PCSK6: variants seen among roughly 807,000 people sequenced by gnomAD.
PCSK6 encodes proprotein convertase subtilisin/kexin type 6.
A neutral mutation model predicts 123.3 loss-of-function variants in PCSK6; 85 were observed. The ratio of observed to expected loss-of-function variants is 0.69; its 90% CI spans 0.58 to 0.83. The LOEUF (loss-of-function observed/expected upper bound fraction) is 0.83, where lower values mean the gene tolerates loss of function less well. Among genes scored for constraint, PCSK6 ranks in the 40% least tolerant of loss-of-function variants. The probability of loss-of-function intolerance (pLI) is 0.00; values close to 1 mark genes in which losing one functional copy is unlikely to be tolerated. For missense variants in PCSK6, 1,191 were observed against 1,282.3 expected (o/e 0.93, Z 1.09); for synonymous variants, 508 against 516.0 (o/e 0.98, Z 0.21).
chr15:101,322,254 G>C (rs1039543841), intron 18 of PCSK6, among the ~76,000 whole-genome samples: 1 of 152,194 alleles, frequency 6.6e-6, no homozygotes, highest in Non-Finnish European at 1.5e-5. Flanking sequence ...GGCGGATCTG[G>C]GCACAGCCCT....
chr15:101,388,232 C>T (rs3825903), intron 9 of PCSK6, among the ~76,000 whole-genome samples: 97,278 of 152,126 alleles, frequency 0.64, 31,841 homozygotes, highest in Admixed American at 0.73. Context: ...GCCTGGAAAT[C>T]AAAAATATCA....
rs2058126710 is a variant in PCSK6, at chr15:101,489,619, CGGCCCGGGGCGGCGGCCGG to C, written c.33_51del (p.Arg12ProfsTer103). On this transcript the variant is annotated frameshift_variant, in exon 1 of 22. Coordinates refer to ENST00000611716, the MANE Select transcript of PCSK6 (RefSeq NM_002570.5). LOFTEE classifies it high-confidence loss of function. The stretch of plus-strand genomic sequence containing the variant: ...CCCGCGGCGGTGTCGGTGGCGGCGG[CGGCCCGGGGCGGCGGCCGG>C]GGCCCGGGCGCAGGCGGCGCGCGCG... 2.1e-6 allele frequency: 2 copies of C among 974,844 alleles called. No individual in the cohort carries two copies. Among genetic ancestry groups the C allele is most frequent in the African/African-American group, 3.6e-5 (2 of 55,760 alleles). 60.4% of individuals were successfully genotyped at this position (974,844 alleles called of 1,614,324 possible). A position where few individuals can be genotyped will look rare whatever the true frequency, so the allele number is the denominator to read the frequency against.
At chr15:101,433,392 GT>G (rs1302677216) in intron 2 of PCSK6, among the ~76,000 whole-genome samples, 1 of 152,246 alleles carries the variant, frequency 6.6e-6, no homozygotes, top group African/African-American at 2.4e-5. Context: ...GAGTGGGAAT[GT>G]TTTCTTTGGT....
chr15:101,361,636 G>A (rs2041225329), intron 13 of PCSK6, among the ~76,000 whole-genome samples: 1 of 152,206 alleles, frequency 6.6e-6, no homozygotes, highest in Non-Finnish European at 1.5e-5. Flanking sequence ...CGGTGGAGAG[G>A]TGCTAGCAGG....
At chr15:101,429,837 G>T in intron 5 of PCSK6, 150 bp downstream of exon 5, 2 of 665,946 alleles carry the variant, frequency 3.0e-6, no homozygotes, top group South Asian at 1.8e-5. Context: ...TGCCTGGCAT[G>T]GCCTGTGACT....
At chr15:101,428,319 T>C (rs2056329195) in intron 5 of PCSK6, among the ~76,000 whole-genome samples, 1 of 152,216 alleles carries the variant, frequency 6.6e-6, no homozygotes, top group Admixed American at 6.5e-5. Flanking sequence ...AATTGGCACA[T>C]GGCCACTGCT....
intron 20 of PCSK6, among the ~76,000 whole-genome samples, chr15:101,309,724 CAT>C (rs2039809235): frequency 1.3e-5 from 2 of 152,358 alleles, no homozygotes; most frequent in South Asian, 4.1e-4. Context: ...AGGGCCAGGG[CAT>C]GAGGAGTTTG....
At chr15:101,412,059 T>A (rs1402396545) in intron 6 of PCSK6, among the ~76,000 whole-genome samples, 1 of 152,144 alleles carries the variant, frequency 6.6e-6, no homozygotes, top group Non-Finnish European at 1.5e-5. Flanking sequence ...TGGGAACCAC[T>A]GCCCCTTCTC....
intron 1 of PCSK6, among the ~76,000 whole-genome samples, chr15:101,459,474 C>A (rs565114913): frequency 8.2e-5 from 12 of 145,904 alleles, no homozygotes; most frequent in Admixed American, 3.4e-4. Context: ...CCCGTCCCCC[C>A]ACCCTAAGTC....
chr15:101,394,129 G>A (rs11247289), intron 7 of PCSK6, among the ~76,000 whole-genome samples: 1 of 133,014 alleles, frequency 7.5e-6, no homozygotes, highest in African/African-American at 2.7e-5. Flanking sequence ...TTTTCTTTCC[G>A]TTTTTTTGTT....
At chr15:101,480,285 G>A (rs1014002051) in intron 1 of PCSK6, among the ~76,000 whole-genome samples, 5 of 152,264 alleles carry the variant, frequency 3.3e-5, no homozygotes, top group African/African-American at 1.2e-4. Flanking sequence ...AACAGTGACA[G>A]CCTCTTCCCA....
intron 6 of PCSK6, among the ~76,000 whole-genome samples, chr15:101,420,377 T>A (rs914522288): frequency 1.3e-5 from 2 of 152,144 alleles, no homozygotes; most frequent in African/African-American, 4.8e-5. Context: ...ACTTTGTTTT[T>A]TTGAGACAGG....
intron 13 of PCSK6, among the ~76,000 whole-genome samples, chr15:101,333,668 C>T (rs954753197): frequency 1.3e-5 from 2 of 152,214 alleles, no homozygotes; most frequent in African/African-American, 4.8e-5. Flanking sequence ...GCAGGCCCCT[C>T]TGCCAGTACA....
At chr15:101,472,861 T>C (rs867172489) in intron 1 of PCSK6, among the ~76,000 whole-genome samples, 1 of 152,214 alleles carries the variant, frequency 6.6e-6, no homozygotes, top group African/African-American at 2.4e-5. Context: ...GGGCTCTTTA[T>C]GAGTAACAAT....
At chr15:101,443,324 A>G (rs1408830693) in intron 2 of PCSK6, among the ~76,000 whole-genome samples, 1 of 152,170 alleles carries the variant, frequency 6.6e-6, no homozygotes, top group African/African-American at 2.4e-5. Flanking sequence ...AGATTCATAT[A>G]TGTATCTCCT....
chr15:101,449,113 C>A (rs192279322), intron 1 of PCSK6, among the ~76,000 whole-genome samples: 343 of 152,200 alleles, frequency 2.3e-3, no homozygotes, highest in Non-Finnish European at 3.6e-3. Flanking sequence ...TTCCAGGCCA[C>A]CCTGCAGATG....
At position 101,304,222 on chromosome 15, in the gene PCSK6, T is replaced by C. The variant is rs1455374039; in HGVS notation, c.*1036A>G. The stretch of plus-strand genomic sequence containing the variant: ...TCAAAATAATTAACATCGGTAAAAA[T>C]TAGAACATGTAGCTTATAAAATGCC... On this transcript the variant is annotated 3_prime_UTR_variant, in exon 22 of 22. Coordinates refer to ENST00000611716, the MANE Select transcript of PCSK6 (RefSeq NM_002570.5). 1 of 152,506 alleles carries C rather than the reference T, an allele frequency of 6.6e-6. No homozygotes were observed. Among genetic ancestry groups the C allele is most frequent in the Non-Finnish European group, 1.5e-5 (1 of 68,024 alleles). 9.4% of individuals were successfully genotyped at this position (152,506 alleles called of 1,614,324 possible). A position where few individuals can be genotyped will look rare whatever the true frequency, so the allele number is the denominator to read the frequency against.
chr15:101,426,784 A>C (rs894215600), intron 6 of PCSK6, among the ~76,000 whole-genome samples: 4 of 115,102 alleles, frequency 3.5e-5, no homozygotes, highest in Non-Finnish European at 6.3e-5. Flanking sequence ...GAACGGCAGA[A>C]AGTGGCTGCA....
At chr15:101,484,168 G>T (rs953468900) in intron 1 of PCSK6, among the ~76,000 whole-genome samples, 1 of 151,924 alleles carries the variant, frequency 6.6e-6, no homozygotes, top group Non-Finnish European at 1.5e-5. Context: ...TATAATCCAC[G>T]TATGTTTATA....
Sources: gnomAD v4.1 joint callset for allele counts (sites outside exome capture counted in the v4.1 genomes callset) on GRCh38, gnomAD v4.1.1 for gene constraint, MANE v1.5 for transcripts, NCBI Gene and HGNC (gene_info 2026-07-23, HGNC 2026-07-21) for gene names.